PTPN2: variants seen among roughly 807,000 people sequenced by gnomAD.
PTPN2 encodes tyrosine-protein phosphatase non-receptor type 2.
A neutral mutation model predicts 57.3 loss-of-function variants in PTPN2; 19 were observed. The observed-to-expected ratio is 0.33, with a 90% confidence interval of 0.23 to 0.49. PTPN2 has a LOEUF of 0.49. PTPN2 is among the 20% of genes least tolerant of loss of function. The probability of loss-of-function intolerance (pLI) is 0.99; values close to 1 mark genes in which losing one functional copy is unlikely to be tolerated. For missense variants in PTPN2, 358 were observed against 501.1 expected (o/e 0.71, Z 2.73); for synonymous variants, 153 against 164.9 (o/e 0.93, Z 0.55).
downstream of PTPN2, chr18:12,787,967 T>C (rs977976167): frequency 6.6e-6 from 1 of 152,506 alleles, no homozygotes; most frequent in Non-Finnish European, 1.5e-5. Context: ...CAAGAATAGG[T>C]TTTGCCACCA....
chr18:12,802,799 C>T (rs1432165072), intron 7 of PTPN2, among the ~76,000 whole-genome samples: 1 of 152,102 alleles, frequency 6.6e-6, no homozygotes, highest in Non-Finnish European at 1.5e-5. Context: ...GAGTCTTTCC[C>T]AGACAAGCAA....
At chr18:12,845,730 A>T (rs2043185382) in intron 2 of PTPN2, among the ~76,000 whole-genome samples, 2 of 152,148 alleles carry the variant, frequency 1.3e-5, no homozygotes, top group African/African-American at 4.8e-5. Context: ...TGTATTTTTA[A>T]TTTGTATGTT....
intron 1 of PTPN2, 76 bp from the exon 2 acceptor site, chr18:12,859,330 AAAT>A (rs2043707431): frequency 1.0e-6 from 1 of 984,374 alleles, no homozygotes; most frequent in Admixed American, 2.2e-5. Flanking sequence ...AGCCAGCGTA[AAAT>A]AACATGAAGC....
At chr18:12,814,751 G>T (rs1318332469) in intron 6 of PTPN2, among the ~76,000 whole-genome samples, 1 of 151,600 alleles carries the variant, frequency 6.6e-6, no homozygotes, top group Non-Finnish European at 1.5e-5. Flanking sequence ...CCTCCTTCAT[G>T]TCTGCACTAC....
At chr18:12,872,188 G>A (rs539602120) in intron 1 of PTPN2, 1 of 152,292 alleles carries the variant, frequency 6.6e-6, no homozygotes, top group South Asian at 2.1e-4. Flanking sequence ...CCTTTACTGG[G>A]ACTAGAGGGG....
At chr18:12,854,641 T>C (rs1191812076) in intron 2 of PTPN2, among the ~76,000 whole-genome samples, 1 of 152,112 alleles carries the variant, frequency 6.6e-6, no homozygotes, top group Admixed American at 6.5e-5. Context: ...TACACAGACC[T>C]GTAGACAGAA....
chr18:12,864,699 G>T (rs1376762919), intron 1 of PTPN2, among the ~76,000 whole-genome samples: 1 of 151,862 alleles, frequency 6.6e-6, no homozygotes, highest in African/African-American at 2.4e-5. Flanking sequence ...CGCCTGGCCT[G>T]AACATACCTA....
chr18:12,801,243 T>C (rs185951669), intron 8 of PTPN2, among the ~76,000 whole-genome samples: 86 of 152,358 alleles, frequency 5.6e-4, no homozygotes, highest in African/African-American at 1.9e-3. Flanking sequence ...CTGGGCACGG[T>C]GGCTCACGCC....
chr18:12,790,396 A>C (rs186999683), downstream of PTPN2, among the ~76,000 whole-genome samples: 90 of 152,320 alleles, frequency 5.9e-4, 1 homozygote, highest in African/African-American at 2.1e-3. Context: ...CTAGATATGT[A>C]ATCTAGTCAG....
In PTPN2 at chr18:12,870,441, G is replaced by A. The variant is rs1031651805; in HGVS notation, c.70-11187C>T. Reference sequence around the variant, plus strand: ...TATATATATACGTATATATATATGTGTATATATATATATATATATATAGAG... The same window carrying A: ...TATATATATACGTATATATATATGTATATATATATATATATATATATAGAG... On this transcript the variant is annotated intron_variant, in intron 1 of 8. Coordinates refer to ENST00000309660, the MANE Select transcript of PTPN2 (RefSeq NM_002828.4). Among the ~76,000 whole-genome samples, 114 of 24,572 alleles carry A rather than the reference G, an allele frequency of 4.6e-3. 6 individuals carry two copies. The highest frequency in any genetic ancestry group is 0.05 in the Middle Eastern group (2 of 40). 16.1% of individuals were successfully genotyped at this position (24,572 alleles called of 152,430 possible).
At chr18:12,870,284 C>CATATATATATATATGTATAT (rs1167445111) in intron 1 of PTPN2, among the ~76,000 whole-genome samples, 1 of 63,608 alleles carries the variant, frequency 1.6e-5, no homozygotes, top group African/African-American at 1.2e-4. Flanking sequence ...TATATATATA[C>CATATATATATATATGTATAT]ATATACATAT....
intron 1 of PTPN2, 33 bp from the exon 2 acceptor site, chr18:12,859,287 T>C (rs2043705763): frequency 7.0e-7 from 1 of 1,419,736 alleles, no homozygotes; most frequent in Non-Finnish European, 9.8e-7. Context: ...TTAATATCCC[T>C]CTTAAATTCT....
At chr18:12,791,154 AAAAT>A (rs2040974711), downstream of PTPN2, among the ~76,000 whole-genome samples, 2 of 152,258 alleles carry the variant, frequency 1.3e-5, no homozygotes, top group South Asian at 2.1e-4. Context: ...AGGCTAACAT[AAAAT>A]AAATACTTGG....
chr18:12,789,944 A>G (rs2040942494), downstream of PTPN2, among the ~76,000 whole-genome samples: 1 of 152,076 alleles, frequency 6.6e-6, no homozygotes, highest in South Asian at 2.1e-4. Flanking sequence ...AGAGACAAAT[A>G]TACAGAGAGA....
intron 2 of PTPN2, among the ~76,000 whole-genome samples, chr18:12,837,458 T>TA (rs2042905453): frequency 6.6e-6 from 1 of 152,172 alleles, no homozygotes; most frequent in Admixed American, 6.5e-5. Flanking sequence ...CTTCACTACT[T>TA]AGACTCTGTT....
At chr18:12,807,176 G>A (rs1002638355) in intron 7 of PTPN2, among the ~76,000 whole-genome samples, 5 of 152,104 alleles carry the variant, frequency 3.3e-5, no homozygotes, top group African/African-American at 7.2e-5. Flanking sequence ...ACAGATACAT[G>A]AGAAAATGGT....
intron 5 of PTPN2, among the ~76,000 whole-genome samples, chr18:12,820,259 T>C (rs938723575): frequency 6.6e-6 from 1 of 152,186 alleles, no homozygotes; most frequent in Non-Finnish European, 1.5e-5. Flanking sequence ...GTTGTTGTTT[T>C]TTTTCCCCCC....
chr18:12,880,716 CT>C (rs766604745), intron 1 of PTPN2: 1 of 152,278 alleles, frequency 6.6e-6, no homozygotes, highest in Non-Finnish European at 1.5e-5. Context: ...TCCACCCATC[CT>C]TTTAAATGTT....
chr18:12,801,517 TA>T (rs200117535), intron 8 of PTPN2, among the ~76,000 whole-genome samples: 9 of 151,752 alleles, frequency 5.9e-5, no homozygotes, highest in Non-Finnish European at 7.4e-5. Flanking sequence ...ATTAATTCAA[TA>T]AAAAAAAGGG....
Sources: gnomAD v4.1 joint callset for allele counts (sites outside exome capture counted in the v4.1 genomes callset) on GRCh38, gnomAD v4.1.1 for gene constraint, MANE v1.5 for transcripts, NCBI Gene and HGNC (gene_info 2026-07-23, HGNC 2026-07-21) for gene names.